The following GALNT13 variants were observed in gnomAD, a reference collection of about 807,000 sequenced individuals.
The protein encoded by GALNT13 is UDP-GalNAc:polypeptide N-acetylgalactosaminyltransferase 13.
A neutral mutation model predicts 64.2 loss-of-function variants in GALNT13; 28 were observed. That is an observed-to-expected ratio of 0.44 (90% CI 0.32 to 0.60). The LOEUF is 0.60. GALNT13 is among the 20% of genes least tolerant of loss of function. The pLI, the probability that GALNT13 is intolerant of heterozygous loss-of-function variation, is 0.05. For missense variants in GALNT13, 577 were observed against 669.8 expected (o/e 0.86, Z 1.53); for synonymous variants, 214 against 224.6 (o/e 0.95, Z 0.42).
intron 4 of GALNT13, among the ~76,000 whole-genome samples, chr2:154,239,069 G>A (rs74372006): frequency 0.025 from 3,745 of 151,984 alleles, 124 homozygotes; most frequent in African/African-American, 0.078. Flanking sequence ...TAATGACAGT[G>A]GAAGTTTTCT....
chr2:153,652,219 T>C, the GALNT13 span, among the ~76,000 whole-genome samples: 1 of 152,180 alleles, frequency 6.6e-6, no homozygotes, highest in Non-Finnish European at 1.5e-5. Context: ...ATATATTTTA[T>C]TATAAATTAG....
chr2:153,338,702 T>C, the GALNT13 span, among the ~76,000 whole-genome samples: 1 of 152,220 alleles, frequency 6.6e-6, no homozygotes, highest in Non-Finnish European at 1.5e-5. Flanking sequence ...GTCACCACAA[T>C]GTACAATAGA....
At chr2:153,412,005 A>G in the GALNT13 span, among the ~76,000 whole-genome samples, 1 of 152,302 alleles carries the variant, frequency 6.6e-6, no homozygotes, top group East Asian at 1.9e-4. Flanking sequence ...AATATAAAGC[A>G]GGCAGGAAAA....
At chr2:153,746,147 T>C in the GALNT13 span, among the ~76,000 whole-genome samples, 1 of 152,194 alleles carries the variant, frequency 6.6e-6, no homozygotes, top group Non-Finnish European at 1.5e-5. Flanking sequence ...GTGATATACA[T>C]GCATAGCAGT....
At chr2:154,022,675 C>CT (rs1180940322) in intron 3 of GALNT13, among the ~76,000 whole-genome samples, 2 of 151,948 alleles carry the variant, frequency 1.3e-5, no homozygotes, top group Non-Finnish European at 2.9e-5. Context: ...TTTTGGAGGG[C>CT]TTTTTGTGTC....
chr2:153,379,506 C>T, the GALNT13 span, among the ~76,000 whole-genome samples: 1 of 152,142 alleles, frequency 6.6e-6, no homozygotes, highest in Admixed American at 6.5e-5. Context: ...AGCAATCAGA[C>T]TTCTTTGTCT....
chr2:153,417,458 G>C, the GALNT13 span, among the ~76,000 whole-genome samples: 2 of 152,166 alleles, frequency 1.3e-5, no homozygotes, highest in African/African-American at 2.4e-5. Flanking sequence ...TAGAGAGATG[G>C]ATAAGGAGGA....
chr2:154,287,229 A>G, intron 8 of GALNT13: 1 of 1,150,258 alleles, frequency 8.7e-7, no homozygotes, highest in South Asian at 1.2e-5. Context: ...GAGCATCAGA[A>G]GAAGGCAGCC....
At chr2:153,528,653 A>G in the GALNT13 span, among the ~76,000 whole-genome samples, 1 of 152,120 alleles carries the variant, frequency 6.6e-6, no homozygotes, top group Non-Finnish European at 1.5e-5. Context: ...ATTCTTAAGG[A>G]TAGACCATAT....
At chr2:153,183,431 A>C in the GALNT13 span, among the ~76,000 whole-genome samples, 1 of 152,022 alleles carries the variant, frequency 6.6e-6, no homozygotes, top group Admixed American at 6.6e-5. Context: ...TTGTCTGTTC[A>C]TTCTGATAGT....
At chr2:153,352,937 A>G in the GALNT13 span, among the ~76,000 whole-genome samples, 15 of 152,030 alleles carry the variant, frequency 9.9e-5, no homozygotes, top group Admixed American at 4.6e-4. Context: ...GCTATCCTGA[A>G]TCTTTTGCCT....
the GALNT13 span, among the ~76,000 whole-genome samples, chr2:153,295,549 T>A: frequency 6.8e-6 from 1 of 147,534 alleles, no homozygotes; most frequent in Non-Finnish European, 1.5e-5. Context: ...AAAAAAAGAA[T>A]CCTGTGCTCC....
intron 4 of GALNT13, among the ~76,000 whole-genome samples, chr2:154,230,409 A>C (rs1573920523): frequency 6.6e-6 from 1 of 152,112 alleles, no homozygotes; most frequent in East Asian, 1.9e-4. Context: ...AAAGGGAACA[A>C]TTCCAAAAAT....
chr2:153,776,885 G>A, the GALNT13 span, among the ~76,000 whole-genome samples: 3 of 152,178 alleles, frequency 2.0e-5, no homozygotes, highest in South Asian at 2.1e-4. Flanking sequence ...CTTGGCCAAC[G>A]CTGCTTTTAG....
chr2:153,211,761 T>C, the GALNT13 span, among the ~76,000 whole-genome samples: 1 of 152,132 alleles, frequency 6.6e-6, no homozygotes, highest in African/African-American at 2.4e-5. Flanking sequence ...TCACTAAAGC[T>C]TGGGAAGCAC....
chr2:153,546,630 A>G, the GALNT13 span, among the ~76,000 whole-genome samples: 3 of 152,228 alleles, frequency 2.0e-5, no homozygotes, highest in Non-Finnish European at 2.9e-5. Context: ...CAAGTACGAT[A>G]TCAAGTACAA....
At chr2:153,527,477 A>G in the GALNT13 span, among the ~76,000 whole-genome samples, 1 of 152,154 alleles carries the variant, frequency 6.6e-6, no homozygotes, top group African/African-American at 2.4e-5. Context: ...CAGACAAACA[A>G]AATCTGAGGG....
At chr2:154,111,165 A>G (rs1439865089) in intron 3 of GALNT13, among the ~76,000 whole-genome samples, 1 of 152,052 alleles carries the variant, frequency 6.6e-6, no homozygotes, top group African/African-American at 2.4e-5. Context: ...CCTACTACCC[A>G]TTCTGTATTC....
chr2:153,701,916 G>A, the GALNT13 span, among the ~76,000 whole-genome samples: 1 of 152,206 alleles, frequency 6.6e-6, no homozygotes, highest in Non-Finnish European at 1.5e-5. Flanking sequence ...GTGGAAGATA[G>A]TGTGGCTATT....
Sources: gnomAD v4.1 joint callset for allele counts (sites outside exome capture counted in the v4.1 genomes callset) on GRCh38, gnomAD v4.1.1 for gene constraint, MANE v1.5 for transcripts, NCBI Gene and HGNC (gene_info 2026-07-23, HGNC 2026-07-21) for gene names.